The following POR variants were observed in gnomAD, a reference collection of about 807,000 sequenced individuals.
The protein encoded by POR is NADPH--cytochrome P450 reductase.
Under a neutral mutation model 84.0 loss-of-function variants are expected in POR, and 56 were observed. The ratio of observed to expected loss-of-function variants is 0.67; its 90% CI spans 0.54 to 0.83. POR has a LOEUF of 0.83. POR is among the 40% of genes least tolerant of loss of function. POR has a pLI of 0.00. For missense variants in POR, 938 were observed against 944.3 expected (o/e 0.99, Z 0.09); for synonymous variants, 414 against 400.5 (o/e 1.03, Z -0.40).
Position 75,923,575 on chromosome 7 carries a change from T to G in POR, c.-5+8396T>G, listed in dbSNP as rs150411684. On this transcript the variant is annotated intron_variant, in intron 1 of 15. Transcript: ENST00000461988. ...TTTCCTGCTTTATCTTCAAAAACTG[T>G]AAAGGAAGGGTCAAAGGAAAGACAG... 5.7e-3 allele frequency: 1,937 copies of G among 342,080 alleles called. 30 individuals are homozygous for G. Among genetic ancestry groups the G allele is most frequent in the African/African-American group, 0.03 (1,400 of 46,756 alleles). 21.2% of individuals were successfully genotyped at this position (342,080 alleles called of 1,614,324 possible). A position where few individuals can be genotyped will look rare whatever the true frequency, so the allele number is the denominator to read the frequency against.
chr7:75,945,360 C>T (rs1787130251), intron 1 of POR: 1 of 152,164 alleles, frequency 6.6e-6, no homozygotes, highest in Non-Finnish European at 1.5e-5. Context: ...CATAAATCTA[C>T]AGATTCAAGA....
In POR at chr7:75,953,090, G is replaced by GC. The variant is rs1787521052; in HGVS notation, c.-4-899_-4-898insC. Reference sequence around the variant, plus strand: ...CCGGCACCTCGGGAGGCCGAGGCTGGAGGATCACTCGCGGTTAGGAGCTGG... The same window carrying GC: ...CCGGCACCTCGGGAGGCCGAGGCTGGCAGGATCACTCGCGGTTAGGAGCTGG... On this transcript the variant is annotated intron_variant, in intron 1 of 15. Coordinates refer to ENST00000461988, the MANE Select transcript of POR (RefSeq NM_000941.3). 4.6e-5 allele frequency among the ~76,000 whole-genome samples: 7 copies of GC among 152,330 alleles called. No homozygotes were observed. In the South Asian group the frequency reaches 1.2e-3, roughly 27 times the overall value.
chr7:75,973,525 C>G (rs1788534587), intron 3 of POR, among the ~76,000 whole-genome samples: 1 of 151,976 alleles, frequency 6.6e-6, no homozygotes, highest in Non-Finnish European at 1.5e-5. Flanking sequence ...GCTATGTTGC[C>G]CAGGCTGGTC....
Position 75,984,067 on chromosome 7 carries a change from C to T in POR, c.1066+211C>T, listed in dbSNP as rs41301412. On this transcript the variant is annotated intron_variant, in intron 10 of 15. Transcript: ENST00000461988. ...CTCTCTGTCGGGGTTCCCCCTACCCCGTCACTGTCATAGTCCTTTAAGGGA... is the reference window on the plus strand; with the variant it reads ...CTCTCTGTCGGGGTTCCCCCTACCCTGTCACTGTCATAGTCCTTTAAGGGA... 7.9e-3 allele frequency among the ~76,000 whole-genome samples: 1,196 copies of T among 152,276 alleles called. 14 individuals carry two copies. The highest frequency in any genetic ancestry group is 0.027 in the African/African-American group (1,115 of 41,566).
chr7:75,928,304 A>C (rs1554549791), intron 1 of POR, among the ~76,000 whole-genome samples: 1 of 152,172 alleles, frequency 6.6e-6, no homozygotes, highest in Non-Finnish European at 1.5e-5. Flanking sequence ...TTTATAGGTC[A>C]TGAGTTCTTG....
intron 8 of POR, among the ~76,000 whole-genome samples, chr7:75,982,972 G>A (rs1405314307): frequency 1.3e-5 from 2 of 152,180 alleles, no homozygotes; most frequent in East Asian, 1.9e-4. Flanking sequence ...GTTCTTTTAG[G>A]GGCCAGCCTC....
intron 5 of POR, 96 bp downstream of exon 5, chr7:75,980,584 C>A (rs538279798): frequency 1.2e-6 from 2 of 1,609,858 alleles, no homozygotes; most frequent in African/African-American, 2.7e-5. Context: ...CCTCCAGACC[C>A]CCACCCTGTC....
At chr7:75,939,771 CTAA>C (rs1460418548) in intron 1 of POR, among the ~76,000 whole-genome samples, 6 of 151,860 alleles carry the variant, frequency 4.0e-5, no homozygotes, top group Admixed American at 2.6e-4. Context: ...CCATACTTGG[CTAA>C]TTTTTGTATT....
chr7:75,978,524 G>A (rs1468125237), intron 3 of POR, among the ~76,000 whole-genome samples: 1 of 152,008 alleles, frequency 6.6e-6, no homozygotes, highest in Non-Finnish European at 1.5e-5. Context: ...TTGGATTTTT[G>A]TTTTTTGGGT....
intron 1 of POR, among the ~76,000 whole-genome samples, chr7:75,922,091 C>G (rs929910554): frequency 2.0e-5 from 3 of 152,166 alleles, no homozygotes; most frequent in Non-Finnish European, 2.9e-5. Context: ...GTCTAATTCT[C>G]CCCTCCCTAG....
Position 75,980,462 on chromosome 7 carries a change from G to T in POR, c.490G>T (p.Val164Leu), listed in dbSNP as rs200112691. 2 of 1,612,990 alleles carry T rather than the reference G, an allele frequency of 1.2e-6. No individual in the cohort carries two copies. The highest frequency in any genetic ancestry group is 1.7e-5 in the Admixed American group (1 of 59,998). The change falls in exon 5 of 16, where the codon GTG (valine) becomes TTG (leucine). Residue 164 changes from valine (V) to leucine (L), a missense_variant. Transcript: ENST00000461988. Reference sequence around the variant, plus strand: ...CTACGACTGGCTGCAGGAGACAGACGTGGATCTCTCTGGGGTCAAGTTCGC... The same window carrying T: ...CTACGACTGGCTGCAGGAGACAGACTTGGATCTCTCTGGGGTCAAGTTCGC...
intron 1 of POR, among the ~76,000 whole-genome samples, chr7:75,935,329 C>T (rs868950909): frequency 6.6e-6 from 1 of 152,138 alleles, no homozygotes; most frequent in African/African-American, 2.4e-5. Context: ...TCACTGCAAC[C>T]TCCACTTCCT....
chr7:75,981,503 T>G lies in POR; in HGVS notation c.642-14T>G. The G allele has an allele frequency of 6.2e-7, 1 of 1,607,950 alleles. No homozygotes were observed. The highest frequency in any genetic ancestry group is 8.5e-7 in the Non-Finnish European group (1 of 1,177,598). On this transcript the variant is annotated splice_polypyrimidine_tract_variant and intron_variant, in intron 6 of 15. Transcript: ENST00000461988. Reference sequence around the variant, plus strand: ...CTCCCCTGAGCCGCTCCCCCTCTCCTCTCCTCGGCCCAGCTTGGAGGAGGA... The same window carrying G: ...CTCCCCTGAGCCGCTCCCCCTCTCCGCTCCTCGGCCCAGCTTGGAGGAGGA...
At chr7:75,932,724 C>G (rs1807479032) in intron 1 of POR, among the ~76,000 whole-genome samples, 1 of 151,884 alleles carries the variant, frequency 6.6e-6, no homozygotes, top group Non-Finnish European at 1.5e-5. Flanking sequence ...TAAGACCGAT[C>G]ATGTTAAAAA....
At chr7:75,927,142 G>T (rs550921943) in intron 1 of POR, among the ~76,000 whole-genome samples, 1 of 152,154 alleles carries the variant, frequency 6.6e-6, no homozygotes, top group African/African-American at 2.4e-5. Context: ...GTTGGACAAG[G>T]TCCTTTAACC....
At chr7:75,964,465 AC>A (rs1554554947) in intron 2 of POR, among the ~76,000 whole-genome samples, 1 of 149,892 alleles carries the variant, frequency 6.7e-6, no homozygotes, top group African/African-American at 2.5e-5. Context: ...CTGCCACCAC[AC>A]CCGGCTAATT....
At chr7:75,954,329 G>GC (rs1368685201) in intron 2 of POR, 149 bp downstream of exon 2, 1 of 779,796 alleles carries the variant, frequency 1.3e-6, no homozygotes, top group African/African-American at 1.8e-5. Flanking sequence ...GCTAGATTGT[G>GC]CTTGAGCTCT....
In POR at chr7:75,986,649, T is replaced by A; in HGVS notation, c.*168T>A. ...CATCCTCCTCAGCCCCCAGGCCAGG[T>A]GAGGTCCACCGGCCCCTGGCAGCAC... On this transcript the variant is annotated 3_prime_UTR_variant, in exon 16 of 16. Transcript: ENST00000461988. The A allele has an allele frequency of 1.2e-6, 1 of 838,860 alleles. No homozygotes were observed. Among genetic ancestry groups the A allele is most frequent in the Non-Finnish European group, 1.8e-6 (1 of 552,448 alleles). The allele number at this position is 838,860 out of a possible 1,614,324, so 52.0% of individuals were successfully genotyped here.
At chr7:75,985,529 T>C in intron 12 of POR, 50 bp from the exon 13 acceptor site, 1 of 1,471,486 alleles carries the variant, frequency 6.8e-7, no homozygotes. Context: ...GGGCCGGGGC[T>C]GGGCAAGGGC....
Sources: allele counts gnomAD v4.1 joint callset (sites outside exome capture counted in the v4.1 genomes callset), GRCh38; gene constraint gnomAD v4.1.1; transcripts MANE v1.5; gene names NCBI Gene and HGNC (gene_info 2026-07-23, HGNC 2026-07-21).